Variants in GRM5 observed in about 807,000 individuals in gnomAD.
GRM5 encodes metabotropic glutamate receptor 5.
GRM5 carries 19 observed loss-of-function variants against 83.1 expected under a neutral mutation model. That is an observed-to-expected ratio of 0.23 (90% confidence interval 0.16 to 0.34). The LOEUF (loss-of-function observed/expected upper bound fraction) is 0.34. GRM5 is among the 10% of genes least tolerant of loss of function. The pLI is 1.00. For synonymous variants in GRM5, 675 were observed against 633.6 expected, an observed-to-expected ratio of 1.07 and a Z score of -0.98; for missense variants, 1,160 against 1,588.3, an observed-to-expected ratio of 0.73 and a Z score of 4.58.
In GRM5 at chr11:88,566,967, T is replaced by C. The variant is rs1055321205; in HGVS notation, c.2630+86A>G. The C allele has an allele frequency of 3.6e-6, 3 of 831,664 alleles. No homozygotes were observed. The African/African-American group carries it at 5.1e-5, about 14-fold the overall frequency. 51.5% of individuals were successfully genotyped at this position (831,664 alleles called of 1,614,324 possible). On this transcript the variant is annotated intron_variant, in intron 8 of 9. Transcript: ENST00000305447. ...CCTCACATGGTTTCATTTACCCAGATTTCTCCCATTTAAAAGACCCAGGAA... is the reference window on the plus strand; with the variant it reads ...CCTCACATGGTTTCATTTACCCAGACTTCTCCCATTTAAAAGACCCAGGAA...
chr11:88,555,835 A>G (rs758315576), intron 8 of GRM5, among the ~76,000 whole-genome samples: 7 of 152,116 alleles, frequency 4.6e-5, no homozygotes, highest in Admixed American at 6.6e-5. Context: ...GCTTCATATT[A>G]TATGATGCAT....
At chr11:88,759,977 T>C (rs1008357304) in intron 3 of GRM5, among the ~76,000 whole-genome samples, 1 of 152,094 alleles carries the variant, frequency 6.6e-6, no homozygotes, top group African/African-American at 2.4e-5. Context: ...TGAATGACTT[T>C]GGGGTAAATA....
At chr11:88,599,420 C>T (rs1003151268) in intron 5 of GRM5, among the ~76,000 whole-genome samples, 2 of 152,178 alleles carry the variant, frequency 1.3e-5, no homozygotes, top group African/African-American at 2.4e-5. Flanking sequence ...GATATTATCA[C>T]TCACAGCTTA....
chr11:88,776,295 G>A (rs552749789), intron 3 of GRM5, among the ~76,000 whole-genome samples: 1 of 152,120 alleles, frequency 6.6e-6, no homozygotes, highest in South Asian at 2.1e-4. Context: ...TTGTTTGGTA[G>A]ATCTTCCTCC....
At chr11:88,679,648 A>G (rs183139325) in intron 3 of GRM5, among the ~76,000 whole-genome samples, 2 of 152,244 alleles carry the variant, frequency 1.3e-5, no homozygotes, top group Admixed American at 1.3e-4. Flanking sequence ...ATACTTTTAT[A>G]CTTTTATGAG....
At chr11:88,675,910 A>G (rs1055804511) in intron 3 of GRM5, among the ~76,000 whole-genome samples, 9 of 152,042 alleles carry the variant, frequency 5.9e-5, no homozygotes, top group Non-Finnish European at 7.4e-5. Flanking sequence ...GAAATAACAG[A>G]TGGCCATATT....
At chr11:88,599,980 T>G (rs1368588726) in intron 5 of GRM5, among the ~76,000 whole-genome samples, 1 of 152,156 alleles carries the variant, frequency 6.6e-6, no homozygotes, top group Non-Finnish European at 1.5e-5. Flanking sequence ...GCCACTGCAC[T>G]CCAGCCTGGG....
At chr11:88,546,557 G>C (rs1942389399) in intron 8 of GRM5, among the ~76,000 whole-genome samples, 1 of 152,014 alleles carries the variant, frequency 6.6e-6, no homozygotes, top group Non-Finnish European at 1.5e-5. Flanking sequence ...TGGCTAAATG[G>C]AGTTTTCTTT....
intron 8 of GRM5, among the ~76,000 whole-genome samples, chr11:88,560,062 G>A (rs1942718703): frequency 6.6e-6 from 1 of 152,102 alleles, no homozygotes; most frequent in African/African-American, 2.4e-5. Flanking sequence ...AGGCCATAGA[G>A]CAAGGAAATT....
At chr11:88,658,047 C>T (rs768979417) in intron 3 of GRM5, among the ~76,000 whole-genome samples, 2 of 152,112 alleles carry the variant, frequency 1.3e-5, no homozygotes, top group East Asian at 3.9e-4. Flanking sequence ...CGGAACCTGG[C>T]TGCACAGCAG....
intron 2 of GRM5, among the ~76,000 whole-genome samples, chr11:88,940,231 T>A (rs1938043610): frequency 6.6e-6 from 1 of 151,402 alleles, no homozygotes. Flanking sequence ...TGTTCTAGCA[T>A]CTATTTGCAA....
At chr11:88,987,172 C>G (rs1174942257) in intron 2 of GRM5, among the ~76,000 whole-genome samples, 1 of 152,102 alleles carries the variant, frequency 6.6e-6, no homozygotes, top group Non-Finnish European at 1.5e-5. Context: ...CAAGCCGAAG[C>G]AGGGTGAGGC....
intron 9 of GRM5, among the ~76,000 whole-genome samples, chr11:88,515,960 C>A (rs892007710): frequency 6.6e-6 from 1 of 152,172 alleles, no homozygotes; most frequent in Admixed American, 6.5e-5. Flanking sequence ...CTTTTCAGCT[C>A]ACAAGGTGTT....
chr11:88,993,066 A>G (rs1393751119), intron 2 of GRM5, among the ~76,000 whole-genome samples: 2 of 151,282 alleles, frequency 1.3e-5, no homozygotes, highest in East Asian at 1.9e-4. Flanking sequence ...AAAAAAAAAG[A>G]TCATCCTATC....
chr11:88,784,481 T>C (rs1465490928), intron 3 of GRM5, among the ~76,000 whole-genome samples: 1 of 152,040 alleles, frequency 6.6e-6, no homozygotes, highest in Admixed American at 6.6e-5. Context: ...TTTTCTTTGA[T>C]AAGTATCACC....
intron 3 of GRM5, among the ~76,000 whole-genome samples, chr11:88,767,633 A>G (rs577291530): frequency 6.6e-6 from 1 of 152,154 alleles, no homozygotes; most frequent in Admixed American, 6.6e-5. Context: ...ACAAGAACAC[A>G]TGGATACTAG....
chr11:88,637,986 T>C (rs1939183237), intron 4 of GRM5, among the ~76,000 whole-genome samples: 1 of 151,774 alleles, frequency 6.6e-6, no homozygotes, highest in African/African-American at 2.4e-5. Flanking sequence ...TAAAAAATGA[T>C]TAGTTCATGT....
intron 2 of GRM5, among the ~76,000 whole-genome samples, chr11:88,878,331 CTT>C (rs1476448212): frequency 6.6e-6 from 1 of 152,134 alleles, no homozygotes; most frequent in African/African-American, 2.4e-5. Context: ...TGGAACAACT[CTT>C]TATTCACATA....
At chr11:88,532,809 A>G (rs1183095485) in intron 8 of GRM5, among the ~76,000 whole-genome samples, 1 of 152,228 alleles carries the variant, frequency 6.6e-6, no homozygotes, top group Non-Finnish European at 1.5e-5. Context: ...GTGGTAACTA[A>G]TGTACAGAGT....
Sources: gnomAD v4.1 joint callset for allele counts (sites outside exome capture counted in the v4.1 genomes callset) on GRCh38, gnomAD v4.1.1 for gene constraint, MANE v1.5 for transcripts, NCBI Gene and HGNC (gene_info 2026-07-23, HGNC 2026-07-21) for gene names.